Variants in MCOLN1 observed in about 807,000 individuals in gnomAD.
MCOLN1 encodes the protein mucolipin-1.
Under a neutral mutation model 70.3 loss-of-function variants are expected in MCOLN1, and 50 were observed. That is an observed-to-expected ratio of 0.71 (90% CI 0.57 to 0.90). The LOEUF is 0.90. MCOLN1 is among the 40% of genes least tolerant of loss of function. The pLI, the probability that MCOLN1 is intolerant of heterozygous loss-of-function variation, is 0.00. For missense variants in MCOLN1, 598 were observed against 803.5 expected (o/e 0.74, Z 3.09); for synonymous variants, 366 against 341.0 (o/e 1.07, Z -0.81).
intron 5 of MCOLN1, 106 bp downstream of exon 5, chr19:7,527,734 C>A (rs554659696): frequency 9.3e-7 from 1 of 1,075,438 alleles, no homozygotes; most frequent in South Asian, 1.2e-5. Context: ...CCCCCCCGCC[C>A]GCGCTGGTGC....
At position 7,533,648 on chromosome 19, in the gene MCOLN1, C is replaced by G; in HGVS notation, c.1701C>G (p.Cys567Trp). 3 of 1,613,442 alleles carry G rather than the reference C, an allele frequency of 1.9e-6. No homozygotes were observed. The highest frequency in any genetic ancestry group is 2.5e-6 in the Non-Finnish European group (3 of 1,179,910). The change falls in exon 13 of 14, where the codon TGC becomes TGG. Residue 567 changes from cysteine (C) to tryptophan (W), a missense_variant. Cys to Trp is a radical substitution (Grantham distance 215, BLOSUM62 -2). Around this residue, in one of 3 missense-constraint regions of MCOLN1, gnomAD observed 59 missense variants for 58.8 expected, o/e 1.00. Coordinates refer to ENST00000264079, the MANE Select transcript of MCOLN1 (RefSeq NM_020533.3). The stretch of plus-strand genomic sequence containing the variant: ...CGGCCTGCAGCCTTCTCTGCTGCTG[C>G]GGAAGGTTCGAGTCCCGGGTCTGGC... Reference protein sequence around the residue: ...SGSACSLLCCCGRDPSEEHSL... With the variant: ...SGSACSLLCCWGRDPSEEHSL...
At chr19:7,529,054 C>T (rs765986583) in intron 9 of MCOLN1, 47 bp from the exon 10 acceptor site, 2 of 1,613,526 alleles carry the variant, frequency 1.2e-6, no homozygotes, top group African/African-American at 2.7e-5. Flanking sequence ...CCAGGCCCCC[C>T]AAAGGAAGGG....
chr19:7,529,592 C>A lies in MCOLN1; in HGVS notation c.1239C>A (p.Ile413=), dbSNP rs756352586. Residue 413 remains isoleucine (I), a splice_region_variant and synonymous_variant, in exon 11 of 14, where the codon ATC becomes ATA. Coordinates refer to ENST00000264079, the MANE Select transcript of MCOLN1 (RefSeq NM_020533.3). ...AGGCTCCCTCTGCCCCAACCCAGATCCTCATCGCCACACTGCGGGTGGCCC... is the reference window on the plus strand; with the variant it reads ...AGGCTCCCTCTGCCCCAACCCAGATACTCATCGCCACACTGCGGGTGGCCC... ...RYLTFFHNYN[I]LIATLRVALP... is the part of the protein sequence containing the mutation. The A allele has an allele frequency of 6.5e-6, 10 of 1,548,232 alleles. No homozygotes were observed. In the South Asian group the frequency reaches 8.9e-5, roughly 14 times the overall value.
chr19:7,528,349 T>A lies in MCOLN1; in HGVS notation c.877+92T>A, dbSNP rs1344368499. ...CCAGATCAGCGCTGCCTGGGGGCCGTGACCTCCCCAGGAATCCGCTGAGCC... is the reference window on the plus strand; with the variant it reads ...CCAGATCAGCGCTGCCTGGGGGCCGAGACCTCCCCAGGAATCCGCTGAGCC... On this transcript the variant is annotated intron_variant, in intron 7 of 13. Transcript: ENST00000264079. This position sits in a 1 kb window ranked among gnomAD's most constrained non-coding sequence, Gnocchi z 4.2. 1.5e-5 allele frequency: 19 copies of A among 1,262,610 alleles called. No individual in the cohort carries two copies. The highest frequency in any genetic ancestry group is 2.1e-5 in the Non-Finnish European group (18 of 873,460). The allele number at this position is 1,262,610 out of a possible 1,614,324, so 78.2% of individuals were successfully genotyped here.
At position 7,529,077 on chromosome 19, in the gene MCOLN1, G is replaced by A. The variant is rs757251025; in HGVS notation, c.1135-24G>A. ...CCCAAAGGAAGGGCTGGGCCAGATA[G>A]GTTGACGCAGCTCCCACCCGCAGAA... is the stretch of plus-strand genomic sequence containing the variant. On this transcript the variant is annotated intron_variant, in intron 9 of 13. Transcript: ENST00000264079. 10 of 1,613,620 alleles carry A rather than the reference G, an allele frequency of 6.2e-6. No individual in the cohort carries two copies. In the Admixed American group the frequency reaches 8.3e-5, roughly 13 times the overall value.
At chr19:7,527,653 G>A (rs1157344112) in intron 5 of MCOLN1, 25 bp downstream of exon 5, 1 of 1,522,456 alleles carries the variant, frequency 6.6e-7, no homozygotes, top group Non-Finnish European at 9.1e-7. Flanking sequence ...CTCGAGGGGG[G>A]CCCAGGGTGG....
At chr19:7,523,554 C>G (rs1231929304) in intron 1 of MCOLN1, among the ~76,000 whole-genome samples, 1 of 152,224 alleles carries the variant, frequency 6.6e-6, no homozygotes, top group African/African-American at 2.4e-5. Flanking sequence ...GAGGTTCTGA[C>G]AGTGCACACA....
chr19:7,529,035 T>C, intron 9 of MCOLN1, 65 bp downstream of exon 9: 1 of 1,613,388 alleles, frequency 6.2e-7, no homozygotes, highest in Non-Finnish European at 8.5e-7. Context: ...TCCGGGGCCA[T>C]ATCCTCCCCC....
rs1164826618 is a variant in MCOLN1 at position 7,530,290 on chromosome 19, G to A, written c.1364G>A (p.Arg455His). ...IVLGPYHVKF[R>H]SLSMVSECLF... is the part of the protein sequence containing the mutation. ...ACCCCGCCGCCCCTCTGGCAGTTCC[G>A]CTCACTCTCCATGGTGTCTGAGTGC... Residue 455 changes from arginine to histidine, a missense_variant, in exon 12 of 14, where the codon CGC (arginine) becomes CAC (histidine). By Grantham distance (29) the Arg-to-His change is conservative (BLOSUM62 0). Coordinates refer to ENST00000264079, the MANE Select transcript of MCOLN1 (RefSeq NM_020533.3). The A allele has an allele frequency of 1.2e-6, 2 of 1,612,280 alleles. No homozygotes were observed. The highest frequency in any genetic ancestry group is 1.1e-5 in the South Asian group (1 of 91,088).
At chr19:7,527,790 G>T in intron 5 of MCOLN1, 74 bp from the exon 6 acceptor site, 2 of 1,290,894 alleles carry the variant, frequency 1.5e-6, no homozygotes, top group Non-Finnish European at 2.3e-6. Context: ...TCAGCACGTG[G>T]CAGGGGACGC....
chr19:7,526,637 AGGCAGGTGCAGGTGGGCG>A lies in MCOLN1; in HGVS notation c.405+43_405+60del, dbSNP rs774539152. 7.0e-6 allele frequency: 10 copies of A among 1,437,150 alleles called. No individual in the cohort carries two copies. The highest frequency in any genetic ancestry group is 8.4e-6 in the Non-Finnish European group (9 of 1,074,836). The allele number at this position is 1,437,150 out of a possible 1,614,324, so 89.0% of individuals were successfully genotyped here. A position where few individuals can be genotyped will look rare whatever the true frequency, so the allele number is the denominator to read the frequency against. On this transcript the variant is annotated intron_variant, in intron 3 of 13. Coordinates refer to ENST00000264079, the MANE Select transcript of MCOLN1 (RefSeq NM_020533.3). The surrounding 1 kb of genome is among the most constrained non-coding windows in gnomAD (Gnocchi z 4.6). ...GGTGGGCGGGCAGGTGCTGGTGGGC[AGGCAGGTGCAGGTGGGCG>A]GGCAGGTGCAGTTGGGCGGGCAGGT...
rs142388236 is a variant in MCOLN1 at position 7,530,432 on chromosome 19, C to A, written c.1506C>A (p.Ile502=). The A allele has an allele frequency of 5.0e-6, 8 of 1,613,352 alleles. No homozygotes were observed. The African/African-American group carries it at 1.1e-4, about 22-fold the overall frequency. ...LFSQLYLYSF[I]SLFIYMVLSL... ...CCCAGCTCTACCTTTACTCCTTCAT[C>A]AGCCTCTTCATCTACATGGTGCTCA... The change falls in exon 12 of 14, where the codon ATC becomes ATA. Residue 502 remains isoleucine, a synonymous_variant. Transcript: ENST00000264079.
intron 10 of MCOLN1, 24 bp from the exon 11 acceptor site, chr19:7,529,566 G>A (rs1002685693): frequency 2.3e-5 from 31 of 1,374,064 alleles, no homozygotes; most frequent in African/African-American, 3.1e-5. Context: ...CACCCTCAAC[G>A]AGGCTCCCTC....
At position 7,530,323 on chromosome 19, in the gene MCOLN1, C is replaced by T. The variant is rs2022637503; in HGVS notation, c.1397C>T (p.Ser466Leu). Residue 466 changes from serine (S) to leucine (L), a missense_variant, in exon 12 of 14, where the codon TCG (serine) becomes TTG (leucine). By Grantham distance (145) the Ser-to-Leu change is moderately radical. Transcript: ENST00000264079. ...TCCATGGTGTCTGAGTGCCTGTTCTCGCTCATCAATGGGGACGACATGTTT... is the reference window on the plus strand; with the variant it reads ...TCCATGGTGTCTGAGTGCCTGTTCTTGCTCATCAATGGGGACGACATGTTT... ...SLSMVSECLFSLINGDDMFVT... is the reference protein window; with the variant it reads ...SLSMVSECLFLLINGDDMFVT... 3 of 1,613,672 alleles carry T rather than the reference C, an allele frequency of 1.9e-6. No individual in the cohort carries two copies. Among genetic ancestry groups the T allele is most frequent in the Non-Finnish European group, 2.5e-6 (3 of 1,180,040 alleles).
rs2022512135 is a variant in MCOLN1 at position 7,522,734 on chromosome 19, C to G, written c.-17C>G. The G allele has an allele frequency of 6.9e-7, 1 of 1,452,410 alleles. No individual in the cohort carries two copies. 90.0% of individuals were successfully genotyped at this position (1,452,410 alleles called of 1,614,324 possible). On this transcript the variant is annotated 5_prime_UTR_variant, in exon 1 of 14. Coordinates refer to ENST00000264079, the MANE Select transcript of MCOLN1 (RefSeq NM_020533.3). ...TGCCCCGCCGTACCCGCCTGCGTCC[C>G]GCGCTCCCGCCCCAGCATGACAGCC...
chr19:7,526,831 A>G lies in MCOLN1; in HGVS notation c.476A>G (p.Asn159Ser), dbSNP rs1454377544. The stretch of plus-strand genomic sequence containing the variant: ...CGTGGTGGGGGTGACCCTTGGACCA[A>G]TGGCTCAGGGCTTGCTCTCTGCCAG... ...YVRGGGDPWT[N>S]GSGLALCQRY... is the part of the protein sequence containing the mutation. The change falls in exon 4 of 14, where the codon AAT (asparagine) becomes AGT (serine). Residue 159 changes from asparagine (N) to serine (S), a missense_variant. Asn to Ser is a conservative substitution (Grantham distance 46). Around this residue, in one of 3 missense-constraint regions of MCOLN1, gnomAD observed 461 missense variants for 588.4 expected, o/e 0.78. Transcript: ENST00000264079. This position sits in a 1 kb window ranked among gnomAD's most constrained non-coding sequence, Gnocchi z 4.6. The G allele has an allele frequency of 1.9e-6, 3 of 1,614,056 alleles. No homozygotes were observed. The highest frequency in any genetic ancestry group is 1.1e-5 in the South Asian group (1 of 91,064).
Position 7,528,315 on chromosome 19 carries a change from C to T in MCOLN1, c.877+58C>T, listed in dbSNP as rs529233597. Reference sequence around the variant, plus strand: ...AGGGGCCCTGGCCTGTCCTGGGATTCCCCAAGCCCCAGATCAGCGCTGCCT... The same window carrying T: ...AGGGGCCCTGGCCTGTCCTGGGATTTCCCAAGCCCCAGATCAGCGCTGCCT... On this transcript the variant is annotated intron_variant, in intron 7 of 13. Coordinates refer to ENST00000264079, the MANE Select transcript of MCOLN1 (RefSeq NM_020533.3). The surrounding 1 kb of genome is among the most constrained non-coding windows in gnomAD (Gnocchi z 4.2). The T allele has an allele frequency of 1.1e-4, 163 of 1,519,356 alleles. No homozygotes were observed. In the South Asian group the frequency reaches 1.7e-3, roughly 15 times the overall value. 94.1% of individuals were successfully genotyped at this position (1,519,356 alleles called of 1,614,324 possible).
At chr19:7,527,290 A>AC in intron 4 of MCOLN1, 1 of 554,056 alleles carries the variant, frequency 1.8e-6, no homozygotes, top group Non-Finnish European at 3.2e-6. Flanking sequence ...AAAAAAAAAA[A>AC]AAAAACAAGT....
intron 11 of MCOLN1, among the ~76,000 whole-genome samples, chr19:7,530,016 G>T (rs1429987294): frequency 2.0e-5 from 3 of 151,908 alleles, no homozygotes; most frequent in Non-Finnish European, 2.9e-5. Context: ...CATTCACATA[G>T]TGACCCCAGC....
Sources: allele counts gnomAD v4.1 joint callset (sites outside exome capture counted in the v4.1 genomes callset), GRCh38; gene constraint gnomAD v4.1.1; regional missense constraint gnomAD v4.1.1; non-coding constraint Gnocchi (gnomAD v3.1); transcripts MANE v1.5; gene names NCBI Gene and HGNC (gene_info 2026-07-23, HGNC 2026-07-21).